PDCD2L: variants seen among roughly 807,000 people sequenced by gnomAD.
The protein encoded by PDCD2L is programmed cell death 2 like.
PDCD2L carries 44 observed loss-of-function variants against 40.4 expected under a neutral mutation model. That is an observed-to-expected ratio of 1.09 (90% CI 0.86 to 1.40). The LOEUF (loss-of-function observed/expected upper bound fraction) is 1.40, where lower values mean the gene tolerates loss of function less well. Ranked by LOEUF, PDCD2L falls within the 40% of genes most tolerant of loss-of-function variation. The pLI is 0.00. For synonymous variants in PDCD2L, 194 were observed against 174.6 expected (o/e 1.11, Z -0.88); for missense variants, 470 against 453.7 (o/e 1.04, Z -0.33).
chr19:34,408,560 G>A (rs1163435542), intron 3 of PDCD2L, among the ~76,000 whole-genome samples: 2 of 152,164 alleles, frequency 1.3e-5, no homozygotes, highest in Non-Finnish European at 2.9e-5. Flanking sequence ...GAAGGAGGAG[G>A]CTCCAGGAAT....
At chr19:34,406,581 CAG>C (rs2075076864) in intron 3 of PDCD2L, among the ~76,000 whole-genome samples, 1 of 151,684 alleles carries the variant, frequency 6.6e-6, no homozygotes, top group African/African-American at 2.4e-5. Flanking sequence ...TTAGTAGAGA[CAG>C]GGTTTCACCA....
chr19:34,415,528 T>C (rs2075123141), intron 5 of PDCD2L, among the ~76,000 whole-genome samples: 1 of 152,120 alleles, frequency 6.6e-6, no homozygotes, highest in African/African-American at 2.4e-5. Context: ...ACCCAGCAGG[T>C]ATAATTTATA....
Position 34,409,376 on chromosome 19 carries a change from C to G in PDCD2L, c.552C>G (p.Leu184=), listed in dbSNP as rs746930744. ...AAHPVPPGLP[L]FLPYYICVAD... is the part of the protein sequence containing the mutation. ...ATCCTGTGCCTCCTGGGCTGCCGCT[C>G]TTCCTGCCCTACTACATCTGTGTTG... is the stretch of plus-strand genomic sequence containing the variant. Residue 184 remains leucine, a synonymous_variant, in exon 4 of 7, where the codon CTC becomes CTG. Transcript: ENST00000246535. 7 of 1,614,096 alleles carry G rather than the reference C, an allele frequency of 4.3e-6. No homozygotes were observed. Among genetic ancestry groups the G allele is most frequent in the Non-Finnish European group, 5.1e-6 (6 of 1,180,032 alleles).
chr19:34,412,461 C>T (rs1305903992), intron 4 of PDCD2L, among the ~76,000 whole-genome samples: 10 of 152,084 alleles, frequency 6.6e-5, no homozygotes, highest in African/African-American at 1.9e-4. Context: ...GTGGCTCACT[C>T]CTATAATTCC....
At chr19:34,412,412 T>C (rs2075107962) in intron 4 of PDCD2L, among the ~76,000 whole-genome samples, 1 of 152,170 alleles carries the variant, frequency 6.6e-6, no homozygotes, top group East Asian at 1.9e-4. Context: ...ACAATTTAAA[T>C]ATCAAAAATA....
Position 34,404,748 on chromosome 19 carries a change from C to T in PDCD2L, c.208C>T (p.Pro70Ser), listed in dbSNP as rs777472941. ...VQVYCPLEGS[P>S]FHRLLHVFAC... ...GGTGTATTGCCCGCTGGAAGGCTCC[C>T]CGTTTCACCGTCTGCTGCACGTGTT... The change falls in exon 2 of 7, where the codon CCG (proline) becomes TCG (serine). Residue 70 changes from proline to serine, a missense_variant. By Grantham distance (74) the Pro-to-Ser change is moderately conservative (BLOSUM62 -1). Transcript: ENST00000246535. 25 of 1,611,678 alleles carry T rather than the reference C, an allele frequency of 1.6e-5. No homozygotes were observed. In the Admixed American group the frequency reaches 2.5e-4, roughly 16 times the overall value.
intron 3 of PDCD2L, 49 bp downstream of exon 3, chr19:34,405,039 T>A: frequency 6.2e-7 from 1 of 1,602,794 alleles, no homozygotes; most frequent in Non-Finnish European, 8.5e-7. Context: ...TTTGAGGATA[T>A]TTTCCAGAGA....
At chr19:34,421,473 C>T (rs376151610) in intron 5 of PDCD2L, 46 bp from the exon 6 acceptor site, 213 of 1,600,920 alleles carry the variant, frequency 1.3e-4, no homozygotes, top group Middle Eastern at 1.0e-3. Context: ...TGCTAGAATG[C>T]GACTTGTGTG....
intron 5 of PDCD2L, among the ~76,000 whole-genome samples, chr19:34,417,758 T>C (rs1484681451): frequency 1.5e-4 from 23 of 152,206 alleles, no homozygotes; most frequent in Admixed American, 1.4e-3. Flanking sequence ...GAAGGGTTGA[T>C]AAATATATTT....
chr19:34,408,021 C>G (rs1381338435), intron 3 of PDCD2L, among the ~76,000 whole-genome samples: 1 of 151,792 alleles, frequency 6.6e-6, no homozygotes, highest in Non-Finnish European at 1.5e-5. Flanking sequence ...CATTCTCCCA[C>G]GTCAGCCTCC....
intron 5 of PDCD2L, among the ~76,000 whole-genome samples, chr19:34,416,975 G>A (rs994249645): frequency 9.9e-5 from 15 of 152,052 alleles, no homozygotes; most frequent in African/African-American, 1.7e-4. Context: ...TTAGCCGGGC[G>A]TGGTGGTGGG....
intron 3 of PDCD2L, among the ~76,000 whole-genome samples, chr19:34,406,450 G>A (rs1220603132): frequency 6.7e-6 from 1 of 149,594 alleles, no homozygotes; most frequent in African/African-American, 2.5e-5. Flanking sequence ...CAGTGGCGCC[G>A]TCTCTGCTCA....
chr19:34,421,420 T>G (rs2075150301), intron 5 of PDCD2L, 99 bp from the exon 6 acceptor site: 1 of 1,420,124 alleles, frequency 7.0e-7, no homozygotes, highest in Non-Finnish European at 9.6e-7. Context: ...CTCTGGGAGA[T>G]TTCTGCAAGA....
intron 5 of PDCD2L, among the ~76,000 whole-genome samples, chr19:34,416,285 C>T (rs1423382919): frequency 6.6e-6 from 1 of 152,088 alleles, no homozygotes; most frequent in Non-Finnish European, 1.5e-5. Flanking sequence ...TTTGCATCTC[C>T]TAATGTGGAG....
At chr19:34,408,715 G>C (rs1457400517) in intron 3 of PDCD2L, among the ~76,000 whole-genome samples, 1 of 152,156 alleles carries the variant, frequency 6.6e-6, no homozygotes, top group Non-Finnish European at 1.5e-5. Context: ...TTCTGTCTGT[G>C]TCTACACAAT....
chr19:34,424,677 G>A (rs142330890), intron 6 of PDCD2L, among the ~76,000 whole-genome samples: 3 of 151,730 alleles, frequency 2.0e-5, no homozygotes, highest in East Asian at 1.9e-4. Flanking sequence ...CACTTGAGGC[G>A]CTTTTCCCTT....
intron 4 of PDCD2L, among the ~76,000 whole-genome samples, chr19:34,411,162 C>CTTTT (rs766712244): frequency 3.9e-4 from 24 of 61,744 alleles, no homozygotes; most frequent in African/African-American, 5.8e-4. Flanking sequence ...GAGTATTCTT[C>CTTTT]TTTTTTTTTT....
rs747081000 is a variant in PDCD2L at position 34,404,713 on chromosome 19, T to TG, written c.175dup (p.Val59GlyfsTer28). ...CAGCGCTGCGGGCAGCCGCTCGCTC[T>TG]GGTCGTGCAGGTGTATTGCCCGCTG... On this transcript the variant is annotated frameshift_variant, in exon 2 of 7. Transcript: ENST00000246535. LOFTEE classifies it high-confidence loss of function. 1 of 1,612,424 alleles carries TG rather than the reference T, an allele frequency of 6.2e-7. No individual in the cohort carries two copies. Among genetic ancestry groups the TG allele is most frequent in the Non-Finnish European group, 8.5e-7 (1 of 1,179,834 alleles).
intron 6 of PDCD2L, among the ~76,000 whole-genome samples, chr19:34,422,830 C>G (rs2145473631): frequency 6.6e-6 from 1 of 152,174 alleles, no homozygotes; most frequent in East Asian, 1.9e-4. Flanking sequence ...ATTCTCCTGC[C>G]TCAGCCTCCC....
Sources: allele counts gnomAD v4.1 joint callset (sites outside exome capture counted in the v4.1 genomes callset), GRCh38; gene constraint gnomAD v4.1.1; transcripts MANE v1.5; gene names NCBI Gene and HGNC (gene_info 2026-07-23, HGNC 2026-07-21).